PDE4D: variants seen among roughly 807,000 people sequenced by gnomAD.
The protein encoded by PDE4D is 3',5'-cyclic-AMP phosphodiesterase 4D.
Under a neutral mutation model 87.4 loss-of-function variants are expected in PDE4D, and 24 were observed. The ratio of observed to expected loss-of-function variants is 0.27; its 90% confidence interval spans 0.20 to 0.39. PDE4D has a LOEUF of 0.39. Among genes scored for constraint, PDE4D ranks in the 10% least tolerant of loss-of-function variants. The pLI, the probability that PDE4D is intolerant of heterozygous loss-of-function variation, is 1.00. For missense variants in PDE4D, 714 were observed against 1,041.0 expected, an observed-to-expected ratio of 0.69 and a Z score of 4.32; for synonymous variants, 384 against 383.2, an observed-to-expected ratio of 1.00 and a Z score of -0.02.
intron 1 of PDE4D, among the ~76,000 whole-genome samples, chr5:59,579,096 T>G (rs1445356703): frequency 6.6e-6 from 1 of 152,166 alleles, no homozygotes; most frequent in East Asian, 1.9e-4. Flanking sequence ...AACTACTAAT[T>G]CCCAAATCCA....
chr5:60,155,219 T>C (rs1781861174), intron 2 of PDE4D, among the ~76,000 whole-genome samples: 1 of 152,206 alleles, frequency 6.6e-6, no homozygotes, highest in African/African-American at 2.4e-5. Flanking sequence ...AGGAAGTGAT[T>C]GAGGGTTCTG....
At chr5:59,396,679 G>A (rs1266213805) in intron 1 of PDE4D, among the ~76,000 whole-genome samples, 3 of 114,228 alleles carry the variant, frequency 2.6e-5, no homozygotes, top group Admixed American at 8.6e-5. Context: ...ATCAACTAAC[G>A]AGCAAAATAA....
At chr5:59,304,712 A>G (rs255654) in intron 1 of PDE4D, among the ~76,000 whole-genome samples, 4,613 of 152,228 alleles carry the variant, frequency 0.03, 91 homozygotes, top group Non-Finnish European at 0.048. Context: ...TGACTTGTGT[A>G]CATTAAACCA....
chr5:59,292,337 TAAC>T (rs77003536), intron 1 of PDE4D, among the ~76,000 whole-genome samples: 5,299 of 152,292 alleles, frequency 0.035, 96 homozygotes, highest in African/African-American at 0.049. Flanking sequence ...ATTTTTAAAA[TAAC>T]AATCTTGCAA....
intron 2 of PDE4D, among the ~76,000 whole-genome samples, chr5:60,094,735 C>G (rs1157507157): frequency 6.6e-6 from 1 of 151,498 alleles, no homozygotes; most frequent in Non-Finnish European, 1.5e-5. Flanking sequence ...AGATCTTTCT[C>G]TCAGCTTACT....
At chr5:60,338,408 A>G (rs1758009023) in intron 1 of PDE4D, among the ~76,000 whole-genome samples, 1 of 152,222 alleles carries the variant, frequency 6.6e-6, no homozygotes, top group South Asian at 2.1e-4. Context: ...CGCCACTGAA[A>G]GCCAATGGGC....
chr5:60,126,121 C>T (rs564965368), intron 2 of PDE4D, among the ~76,000 whole-genome samples: 7 of 151,762 alleles, frequency 4.6e-5, no homozygotes, highest in African/African-American at 1.7e-4. Flanking sequence ...CAAGAACAGC[C>T]TAAATTGTAA....
intron 1 of PDE4D, among the ~76,000 whole-genome samples, chr5:59,808,390 A>G (rs932269247): frequency 2.6e-5 from 4 of 152,180 alleles, no homozygotes; most frequent in African/African-American, 9.7e-5. Context: ...CTACTCTGCA[A>G]TGCCCACCAT....
At chr5:59,709,020 A>C (rs1753833257) in intron 1 of PDE4D, among the ~76,000 whole-genome samples, 2 of 151,994 alleles carry the variant, frequency 1.3e-5, no homozygotes, top group East Asian at 1.9e-4. Flanking sequence ...TAGCAGAATC[A>C]TAACATTTTA....
intron 1 of PDE4D, among the ~76,000 whole-genome samples, chr5:59,857,248 A>C (rs1745577792): frequency 6.6e-6 from 1 of 152,102 alleles, no homozygotes; most frequent in African/African-American, 2.4e-5. Flanking sequence ...AGAGCAGGGG[A>C]TACCTGTAAC....
At chr5:60,264,910 A>G (rs1166654919) in intron 1 of PDE4D, among the ~76,000 whole-genome samples, 1 of 152,194 alleles carries the variant, frequency 6.6e-6, no homozygotes, top group Non-Finnish European at 1.5e-5. Flanking sequence ...CATTTATCCA[A>G]CAGATATTTA....
At chr5:59,661,704 C>T (rs1745279512) in intron 1 of PDE4D, among the ~76,000 whole-genome samples, 1 of 152,168 alleles carries the variant, frequency 6.6e-6, no homozygotes, top group Admixed American at 6.5e-5. Context: ...GCAACATTCT[C>T]ACTTCTTCCT....
chr5:59,420,776 A>G (rs1236885493), intron 1 of PDE4D, among the ~76,000 whole-genome samples: 2 of 152,102 alleles, frequency 1.3e-5, no homozygotes, highest in Non-Finnish European at 2.9e-5. Context: ...TGCTATATAC[A>G]TGATGGATTG....
At chr5:59,988,664 T>G in exon 3 of PDE4D, 1 of 1,599,316 alleles carries the variant, frequency 6.3e-7, no homozygotes, top group Non-Finnish European at 8.5e-7. Context: ...AGGGTTCCAT[T>G]CCGCGGAAAG....
At chr5:59,171,094 C>T (rs1782688996) in intron 5 of PDE4D, among the ~76,000 whole-genome samples, 1 of 151,970 alleles carries the variant, frequency 6.6e-6, no homozygotes, top group South Asian at 2.1e-4. Flanking sequence ...GTTGGCCAGG[C>T]TGGTCTTGAA....
intron 1 of PDE4D, among the ~76,000 whole-genome samples, chr5:59,244,409 T>A (rs1254577555): frequency 6.8e-6 from 1 of 147,668 alleles, no homozygotes; most frequent in Non-Finnish European, 1.5e-5. Flanking sequence ...AAATAATAAA[T>A]AAAAATTTTC....
chr5:59,514,904 T>A (rs1418077985), intron 1 of PDE4D, among the ~76,000 whole-genome samples: 5 of 152,218 alleles, frequency 3.3e-5, no homozygotes, highest in Non-Finnish European at 7.3e-5. Context: ...AAGGATTACA[T>A]GAAGCCAATC....
chr5:60,214,476 G>A (rs866188390), intron 1 of PDE4D, among the ~76,000 whole-genome samples: 2 of 152,256 alleles, frequency 1.3e-5, no homozygotes, highest in Middle Eastern at 3.4e-3. Context: ...GTAAGGTGGT[G>A]AACACAGGCA....
intron 1 of PDE4D, among the ~76,000 whole-genome samples, chr5:60,273,619 C>A (rs1327581369): frequency 1.3e-5 from 2 of 151,960 alleles, no homozygotes; most frequent in Admixed American, 6.6e-5. Context: ...ATGGTGAAGA[C>A]CTGCACCAGA....
Sources: allele counts gnomAD v4.1 joint callset (sites outside exome capture counted in the v4.1 genomes callset), GRCh38; gene constraint gnomAD v4.1.1; transcripts MANE v1.5; gene names NCBI Gene and HGNC (gene_info 2026-07-23, HGNC 2026-07-21).